PHC3: variants seen among roughly 807,000 people sequenced by gnomAD.
PHC3 encodes the protein polyhomeotic-like protein 3.
In PHC3, 13 loss-of-function variants were observed where a neutral mutation model predicts 107.4. The observed-to-expected ratio is 0.12, with a 90% CI of 0.08 to 0.19. The LOEUF (loss-of-function observed/expected upper bound fraction) is 0.19. PHC3 is among the 10% of genes least tolerant of loss of function. The pLI is 1.00. For synonymous variants in PHC3, 456 were observed against 427.4 expected, an observed-to-expected ratio of 1.07 and a Z score of -0.83; for missense variants, 992 against 1,210.9, an observed-to-expected ratio of 0.82 and a Z score of 2.68.
chr3:170,147,072 G>A (rs1039349142), intron 5 of PHC3, among the ~76,000 whole-genome samples: 1 of 151,272 alleles, frequency 6.6e-6, no homozygotes, highest in African/African-American at 2.4e-5. Flanking sequence ...GTTTCTCCAT[G>A]TTGGTCAGGC....
intron 9 of PHC3, among the ~76,000 whole-genome samples, chr3:170,119,432 T>C (rs115690447): frequency 0.015 from 2,325 of 152,324 alleles, 54 homozygotes; most frequent in African/African-American, 0.052. Flanking sequence ...ATCTAGATCA[T>C]GTGCATAAAT....
At chr3:170,166,931 A>G (rs1728831670) in intron 4 of PHC3, among the ~76,000 whole-genome samples, 1 of 152,150 alleles carries the variant, frequency 6.6e-6, no homozygotes, top group Admixed American at 6.5e-5. Flanking sequence ...CTAGGATTAC[A>G]AGCATGAGCC....
intron 4 of PHC3, chr3:170,170,665 A>C (rs910458520): frequency 1.3e-5 from 2 of 152,176 alleles, no homozygotes; most frequent in African/African-American, 2.4e-5. Context: ...ATATGTATAC[A>C]TGTAGTGGAA....
rs1361453205 is a variant in PHC3 at position 170,113,654 on chromosome 3, G to T, written c.2194-135C>A. 3 of 787,944 alleles carry T rather than the reference G, an allele frequency of 3.8e-6. No homozygotes were observed. The African/African-American group carries it at 5.3e-5, about 14-fold the overall frequency. The allele number at this position is 787,944 out of a possible 1,614,324, so 48.8% of individuals were successfully genotyped here. A position where few individuals can be genotyped will look rare whatever the true frequency, so the allele number is the denominator to read the frequency against. On this transcript the variant is annotated intron_variant, in intron 10 of 14. Coordinates refer to ENST00000495893, the MANE Select transcript of PHC3 (RefSeq NM_024947.4). Reference sequence around the variant, plus strand: ...TCAACTGATCAGATCCATTTAGTAAGTGCCTTATTCCTTGGGAAAAGATGA... The same window carrying T: ...TCAACTGATCAGATCCATTTAGTAATTGCCTTATTCCTTGGGAAAAGATGA...
At chr3:170,180,102 A>G in intron 1 of PHC3, among the ~76,000 whole-genome samples, 1 of 151,772 alleles carries the variant, frequency 6.6e-6, no homozygotes, top group East Asian at 1.9e-4. Flanking sequence ...ACGTATGTAA[A>G]CAGTATTTAT....
At chr3:170,145,067 G>A (rs1033872332) in intron 6 of PHC3, among the ~76,000 whole-genome samples, 2 of 152,020 alleles carry the variant, frequency 1.3e-5, no homozygotes, top group African/African-American at 2.4e-5. Context: ...AATCCATCTT[G>A]ACTTAGTTAT....
rs1199343927 is a variant in PHC3, at chr3:170,089,914, CAAAAAAAAAAAAAAGA to C, written c.*7300_*7315del. 61 of 43,642 alleles carry C rather than the reference CAAAAAAAAAAAAAAGA, an allele frequency of 1.4e-3. No individual in the cohort carries two copies. Among genetic ancestry groups the C allele is most frequent in the South Asian group, 3.8e-3 (5 of 1,324 alleles). The allele number at this position is 43,642 out of a possible 1,614,324, so 2.7% of individuals were successfully genotyped here. On this transcript the variant is annotated 3_prime_UTR_variant, in exon 15 of 15. Transcript: ENST00000495893. ...CCTGGGCAACAGAGCGAACCCATCT[CAAAAAAAAAAAAAAGA>C]AAAAAAAAAAAAAAGAAAGAAAGTT...
intron 10 of PHC3, chr3:170,117,020 C>T: frequency 8.7e-6 from 5 of 576,106 alleles, no homozygotes; most frequent in South Asian, 3.3e-5. Flanking sequence ...CATTTTTTCC[C>T]TTAGTTTATG....
chr3:170,181,667 C>CT, intron 1 of PHC3, 35 bp downstream of exon 1: 1 of 1,613,406 alleles, frequency 6.2e-7, no homozygotes, highest in Non-Finnish European at 8.5e-7. Context: ...CTCGCCCCCC[C>CT]TAGTTACGAC....
chr3:170,104,179 A>G (rs1409202064), intron 12 of PHC3, among the ~76,000 whole-genome samples: 1 of 152,208 alleles, frequency 6.6e-6, no homozygotes, highest in Non-Finnish European at 1.5e-5. Flanking sequence ...AATTTCACAT[A>G]ATTTTCATGT....
intron 8 of PHC3, among the ~76,000 whole-genome samples, chr3:170,127,078 G>A (rs1721436711): frequency 6.6e-6 from 1 of 151,870 alleles, no homozygotes; most frequent in Non-Finnish European, 1.5e-5. Context: ...GGTGCTGTAC[G>A]CTTCCTATAC....
chr3:170,099,458 T>G (rs1279150855), intron 14 of PHC3, among the ~76,000 whole-genome samples: 1 of 152,116 alleles, frequency 6.6e-6, no homozygotes, highest in Non-Finnish European at 1.5e-5. Flanking sequence ...TAAAAACAAT[T>G]TTAAGTGCTC....
At chr3:170,119,661 T>C (rs941758636) in intron 9 of PHC3, among the ~76,000 whole-genome samples, 2 of 152,186 alleles carry the variant, frequency 1.3e-5, no homozygotes, top group Non-Finnish European at 2.9e-5. Flanking sequence ...GCCACAAATC[T>C]GTCTATTCTC....
intron 4 of PHC3, among the ~76,000 whole-genome samples, chr3:170,155,566 C>CA (rs199596265): frequency 2.8e-4 from 42 of 152,110 alleles, no homozygotes; most frequent in African/African-American, 9.4e-4. Flanking sequence ...ACCAAAAATA[C>CA]AAAAAATTAG....
intron 5 of PHC3, 21 bp downstream of exon 5, chr3:170,149,065 A>C (rs1240164484): frequency 1.2e-6 from 2 of 1,607,660 alleles, no homozygotes; most frequent in East Asian, 4.5e-5. Context: ...CACTGAAAAA[A>C]TTTGGTAGCT....
intron 2 of PHC3, 51 bp downstream of exon 2, chr3:170,178,722 A>G: frequency 5.7e-6 from 9 of 1,581,040 alleles, no homozygotes; most frequent in Non-Finnish European, 7.8e-6. Context: ...TTAAGCAAAA[A>G]GTAATATGAC....
intron 4 of PHC3, among the ~76,000 whole-genome samples, chr3:170,160,860 T>A (rs1324155141): frequency 1.3e-5 from 2 of 152,148 alleles, no homozygotes; most frequent in Non-Finnish European, 2.9e-5. Flanking sequence ...TGAGCCAAGA[T>A]CGTGCCACTG....
chr3:170,158,898 G>A (rs1272645230), intron 4 of PHC3, among the ~76,000 whole-genome samples: 7 of 149,238 alleles, frequency 4.7e-5, no homozygotes, highest in African/African-American at 1.7e-4. Flanking sequence ...CTGCACTCCA[G>A]CATGGACAAC....
chr3:170,124,206 TTTTAA>T (rs1001014351), intron 8 of PHC3, among the ~76,000 whole-genome samples: 2 of 152,174 alleles, frequency 1.3e-5, no homozygotes, highest in Admixed American at 6.5e-5. Context: ...GACATGGGTA[TTTTAA>T]TTTAATTTGT....
Sources: gnomAD v4.1 joint callset for allele counts (sites outside exome capture counted in the v4.1 genomes callset) on GRCh38, gnomAD v4.1.1 for gene constraint, MANE v1.5 for transcripts, NCBI Gene and HGNC (gene_info 2026-07-23, HGNC 2026-07-21) for gene names.